The following UTRN variants were observed in gnomAD, a reference collection of about 807,000 sequenced individuals.
UTRN encodes dystrophin-related protein 1.
A neutral mutation model predicts 463.9 loss-of-function variants in UTRN; 283 were observed. That is an observed-to-expected ratio of 0.61 (90% CI 0.55 to 0.67). The LOEUF (loss-of-function observed/expected upper bound fraction) is 0.67, where lower values mean the gene tolerates loss of function less well. Among genes scored for constraint, UTRN ranks in the 30% least tolerant of loss-of-function variants. The probability of loss-of-function intolerance (pLI) is 0.00; values close to 1 mark genes in which losing one functional copy is unlikely to be tolerated. For synonymous variants in UTRN, 1,442 were observed against 1,431.5 expected, an observed-to-expected ratio of 1.01 and a Z score of -0.17; for missense variants, 3,922 against 4,084.3, an observed-to-expected ratio of 0.96 and a Z score of 1.08.
At chr6:144,386,254 G>C (rs1781411259) in intron 2 of UTRN, among the ~76,000 whole-genome samples, 1 of 152,070 alleles carries the variant, frequency 6.6e-6, no homozygotes, top group Non-Finnish European at 1.5e-5. Flanking sequence ...TTGAGCCCCG[G>C]AGTTCGAGAC....
At chr6:144,780,694 C>T (rs544307455) in intron 60 of UTRN, among the ~76,000 whole-genome samples, 5 of 152,278 alleles carry the variant, frequency 3.3e-5, no homozygotes, top group African/African-American at 9.6e-5. Flanking sequence ...TCCTTCGGGC[C>T]TTTGCGGGCC....
At chr6:144,438,067 A>C (rs760188302) in intron 11 of UTRN, among the ~76,000 whole-genome samples, 9 of 152,172 alleles carry the variant, frequency 5.9e-5, no homozygotes, top group Non-Finnish European at 1.0e-4. Flanking sequence ...GGAGTTTGAG[A>C]CCAGCCTGGG....
At chr6:144,437,776 T>A in intron 11 of UTRN, 30 bp downstream of exon 11, 2 of 1,591,842 alleles carry the variant, frequency 1.3e-6, no homozygotes, top group South Asian at 2.3e-5. Flanking sequence ...ATGCACTTAA[T>A]TCCACAGGCT....
intron 61 of UTRN, among the ~76,000 whole-genome samples, chr6:144,784,691 AGTGT>A (rs1390915706): frequency 3.3e-5 from 5 of 152,212 alleles, no homozygotes; most frequent in Non-Finnish European, 7.3e-5. Flanking sequence ...GGGAGGAAGC[AGTGT>A]GTGAAATGCC....
chr6:144,388,192 C>T (rs1185338944), intron 2 of UTRN, among the ~76,000 whole-genome samples: 1 of 152,196 alleles, frequency 6.6e-6, no homozygotes, highest in Non-Finnish European at 1.5e-5. Context: ...CGTACACTTA[C>T]GTATAAGTGA....
chr6:144,643,922 A>G (rs1282862501), intron 51 of UTRN, among the ~76,000 whole-genome samples: 1 of 152,204 alleles, frequency 6.6e-6, no homozygotes, highest in Non-Finnish European at 1.5e-5. Flanking sequence ...AATTGAGTTC[A>G]TGATATTTCT....
At chr6:144,535,416 G>A (rs924084874) in intron 43 of UTRN, among the ~76,000 whole-genome samples, 1 of 152,146 alleles carries the variant, frequency 6.6e-6, no homozygotes, top group African/African-American at 2.4e-5. Flanking sequence ...ACATGTACCT[G>A]CTGGGAGGGT....
At chr6:144,519,029 G>A (rs1795865778) in intron 39 of UTRN, among the ~76,000 whole-genome samples, 1 of 152,104 alleles carries the variant, frequency 6.6e-6, no homozygotes, top group South Asian at 2.1e-4. Context: ...TGATTTTAAT[G>A]TACAATTAGG....
rs561864852 is a variant in UTRN at position 144,447,408 on chromosome 6, G to T, written c.1722+90G>T. On this transcript the variant is annotated intron_variant, in intron 15 of 74. Coordinates refer to ENST00000367545, the MANE Select transcript of UTRN (RefSeq NM_007124.3). ...TGGTTAGTAGAATTTAGTGAATGCA[G>T]ATTACAGCTCATTACCTAGCATTAG... 4.2e-4 allele frequency: 586 copies of T among 1,392,350 alleles called. 14 individuals carry two copies. In the South Asian group the frequency reaches 6.9e-3, roughly 16 times the overall value. The allele number at this position is 1,392,350 out of a possible 1,614,324, so 86.2% of individuals were successfully genotyped here.
At chr6:144,664,687 A>C (rs1780207885) in intron 51 of UTRN, among the ~76,000 whole-genome samples, 2 of 152,044 alleles carry the variant, frequency 1.3e-5, no homozygotes, top group South Asian at 4.1e-4. Flanking sequence ...GATTCAATAG[A>C]GTGATTAAAA....
intron 54 of UTRN, among the ~76,000 whole-genome samples, chr6:144,736,990 C>T (rs144097305): frequency 2.0e-5 from 3 of 152,296 alleles, no homozygotes; most frequent in Non-Finnish European, 4.4e-5. Flanking sequence ...TCTTCCTGGA[C>T]GCTTTCCCTT....
intron 34 of UTRN, among the ~76,000 whole-genome samples, chr6:144,503,566 G>A (rs1794414449): frequency 6.6e-6 from 1 of 152,114 alleles, no homozygotes; most frequent in African/African-American, 2.4e-5. Flanking sequence ...TTATAGATGT[G>A]TGGTGTTATT....
At chr6:144,767,647 A>G (rs1793506092) in intron 58 of UTRN, among the ~76,000 whole-genome samples, 1 of 152,166 alleles carries the variant, frequency 6.6e-6, no homozygotes, top group Non-Finnish European at 1.5e-5. Context: ...AGTTTATCCA[A>G]AAAAGTTTAC....
chr6:144,824,500 GTATATATTGTATA>G (rs1231882892), intron 66 of UTRN, among the ~76,000 whole-genome samples: 1 of 94,776 alleles, frequency 1.1e-5, no homozygotes, highest in African/African-American at 3.7e-5. Flanking sequence ...CAATAAATAT[GTATATATTGTATA>G]TATATGTATA....
intron 2 of UTRN, among the ~76,000 whole-genome samples, chr6:144,334,730 A>G (rs1328496292): frequency 2.0e-5 from 3 of 152,224 alleles, no homozygotes; most frequent in Non-Finnish European, 4.4e-5. Context: ...GGTTCAGGCA[A>G]TGCTCTCGAA....
At chr6:144,338,288 C>A (rs1776889825) in intron 2 of UTRN, among the ~76,000 whole-genome samples, 1 of 151,748 alleles carries the variant, frequency 6.6e-6, no homozygotes, top group South Asian at 2.1e-4. Flanking sequence ...ATAATCATTG[C>A]TGTGATCAAG....
intron 2 of UTRN, among the ~76,000 whole-genome samples, chr6:144,325,908 T>A (rs1775945912): frequency 1.3e-5 from 2 of 151,774 alleles, no homozygotes; most frequent in Admixed American, 6.6e-5. Flanking sequence ...AAGAAAGAGA[T>A]CTTGGAAATT....
chr6:144,469,968 A>C (rs879192402), intron 23 of UTRN, among the ~76,000 whole-genome samples: 1 of 152,148 alleles, frequency 6.6e-6, no homozygotes, highest in African/African-American at 2.4e-5. Context: ...CCCTTAATCC[A>C]TTTAACCCTT....
In UTRN at chr6:144,577,083, A is replaced by G. The variant is rs373635288; in HGVS notation, c.7290-16A>G. ...CTGTAAGTAATGGAGCCGTGCTGTC[A>G]TATTGTTACTTTCAGTATTGCTGAC... On this transcript the variant is annotated splice_polypyrimidine_tract_variant and intron_variant, in intron 50 of 74. Coordinates refer to ENST00000367545, the MANE Select transcript of UTRN (RefSeq NM_007124.3). 21 of 1,611,290 alleles carry G rather than the reference A, an allele frequency of 1.3e-5. No homozygotes were observed. The African/African-American group carries it at 2.8e-4, about 21-fold the overall frequency.
Sources: allele counts gnomAD v4.1 joint callset (sites outside exome capture counted in the v4.1 genomes callset), GRCh38; gene constraint gnomAD v4.1.1; transcripts MANE v1.5; gene names NCBI Gene and HGNC (gene_info 2026-07-23, HGNC 2026-07-21).